Variants in SLC22A15 observed in about 807,000 individuals in gnomAD.
SLC22A15 encodes flipt 1.
A neutral mutation model predicts 62.7 loss-of-function variants in SLC22A15; 45 were observed. That is an observed-to-expected ratio of 0.72 (90% CI 0.56 to 0.92). The LOEUF (loss-of-function observed/expected upper bound fraction) is 0.92. Among genes scored for constraint, SLC22A15 ranks in the 40% least tolerant of loss-of-function variants. The pLI, the probability that SLC22A15 is intolerant of heterozygous loss-of-function variation, is 0.00. For missense variants in SLC22A15, 622 were observed against 665.6 expected (o/e 0.93, Z 0.72); for synonymous variants, 264 against 267.0 (o/e 0.99, Z 0.11).
chr1:116,063,837 C>T (rs2101574531), intron 9 of SLC22A15, among the ~76,000 whole-genome samples: 1 of 152,262 alleles, frequency 6.6e-6, no homozygotes, highest in South Asian at 2.1e-4. Context: ...CTCTCTCCCT[C>T]CCTCCCTCTC....
At chr1:116,033,009 C>T (rs1657481655) in intron 6 of SLC22A15, among the ~76,000 whole-genome samples, 1 of 152,170 alleles carries the variant, frequency 6.6e-6, no homozygotes, top group Admixed American at 6.5e-5. Flanking sequence ...GAAACTGTCC[C>T]TGTTCATTTT....
chr1:116,014,367 A>G (rs1656423273), intron 2 of SLC22A15, among the ~76,000 whole-genome samples: 1 of 152,210 alleles, frequency 6.6e-6, no homozygotes, highest in African/African-American at 2.4e-5. Context: ...GTGAATGATT[A>G]TACGAGTGCT....
At chr1:115,980,829 CATATTAA>C (rs1225100423) in intron 1 of SLC22A15, among the ~76,000 whole-genome samples, 1 of 151,908 alleles carries the variant, frequency 6.6e-6, no homozygotes, top group Non-Finnish European at 1.5e-5. Context: ...TTTGCTTTTC[CATATTAA>C]ATATTTTTAA....
chr1:116,024,797 C>A (rs1448757682), intron 4 of SLC22A15, among the ~76,000 whole-genome samples: 1 of 152,092 alleles, frequency 6.6e-6, no homozygotes, highest in African/African-American at 2.4e-5. Flanking sequence ...TATTTAAAGT[C>A]TTGGGTAAGG....
intron 8 of SLC22A15, among the ~76,000 whole-genome samples, chr1:116,057,963 C>T (rs541469389): frequency 7.3e-5 from 11 of 151,666 alleles, no homozygotes; most frequent in South Asian, 4.2e-4. Flanking sequence ...TGCTAAATGA[C>T]GAGTTAATGG....
intron 2 of SLC22A15, among the ~76,000 whole-genome samples, chr1:116,000,217 G>A (rs1008883482): frequency 6.6e-6 from 1 of 151,834 alleles, no homozygotes; most frequent in African/African-American, 2.4e-5. Flanking sequence ...TTCTCTGGTG[G>A]TATATTTTAA....
chr1:115,992,624 C>CTTT (rs11378927), intron 2 of SLC22A15, among the ~76,000 whole-genome samples: 7 of 137,508 alleles, frequency 5.1e-5, no homozygotes, highest in Non-Finnish European at 7.8e-5. Context: ...TTTTTCTTTT[C>CTTT]TTTTTTTTTT....
chr1:116,020,680 A>C (rs760052657), intron 3 of SLC22A15, 41 bp from the exon 4 acceptor site: 2 of 1,497,042 alleles, frequency 1.3e-6, no homozygotes, highest in South Asian at 2.5e-5. Flanking sequence ...ATCAAATGCT[A>C]TTTTGCCTCT....
chr1:116,065,144 C>T (rs1450391686), intron 10 of SLC22A15, among the ~76,000 whole-genome samples: 1 of 152,066 alleles, frequency 6.6e-6, no homozygotes, highest in Non-Finnish European at 1.5e-5. Flanking sequence ...CAAGTCTCTC[C>T]TTGGTTTGAT....
chr1:116,066,404 C>T (rs930277330), intron 10 of SLC22A15, 116 bp from the exon 11 acceptor site: 88 of 849,938 alleles, frequency 1.0e-4, no homozygotes, highest in Non-Finnish European at 1.1e-4. Flanking sequence ...TTGTCTAGTG[C>T]GAGGTCATGA....
chr1:116,038,398 T>C (rs903700020), intron 8 of SLC22A15, among the ~76,000 whole-genome samples: 2 of 152,216 alleles, frequency 1.3e-5, no homozygotes, highest in African/African-American at 2.4e-5. Flanking sequence ...CCCAAGGCCA[T>C]GTGTTCTCCC....
chr1:116,021,976 G>A (rs989848431), intron 4 of SLC22A15, among the ~76,000 whole-genome samples: 1 of 152,152 alleles, frequency 6.6e-6, no homozygotes, highest in Non-Finnish European at 1.5e-5. Flanking sequence ...TTTCTAACTG[G>A]TGTTGTTTTT....
chr1:116,057,521 C>T (rs1353910700), intron 8 of SLC22A15, among the ~76,000 whole-genome samples: 1 of 152,088 alleles, frequency 6.6e-6, no homozygotes, highest in Non-Finnish European at 1.5e-5. Flanking sequence ...GATCTAGAAC[C>T]AGAAATACCA....
intron 4 of SLC22A15, among the ~76,000 whole-genome samples, chr1:116,021,680 C>G (rs1490893045): frequency 1.3e-5 from 2 of 152,174 alleles, no homozygotes; most frequent in African/African-American, 4.8e-5. Flanking sequence ...TACACAGTGC[C>G]AGCCATCTCT....
intron 5 of SLC22A15, among the ~76,000 whole-genome samples, chr1:116,028,548 TAAA>T (rs67564443): frequency 1.1e-5 from 1 of 91,884 alleles, no homozygotes; most frequent in Admixed American, 1.4e-4. Context: ...TTTTTTTTTT[TAAA>T]ATATATAGTC....
chr1:115,992,610 T>TC (rs1467476185), intron 2 of SLC22A15, among the ~76,000 whole-genome samples: 1 of 145,226 alleles, frequency 6.9e-6, no homozygotes, highest in Non-Finnish European at 1.5e-5. Flanking sequence ...CACCCATAGT[T>TC]CTTTTTTTCT....
At chr1:115,989,604 A>C (rs554564357) in intron 1 of SLC22A15, among the ~76,000 whole-genome samples, 1 of 152,202 alleles carries the variant, frequency 6.6e-6, no homozygotes, top group Non-Finnish European at 1.5e-5. Flanking sequence ...AACATGGTGA[A>C]ACCTCGTCTC....
intron 8 of SLC22A15, among the ~76,000 whole-genome samples, chr1:116,042,538 T>A (rs1657815851): frequency 6.6e-6 from 1 of 152,136 alleles, no homozygotes; most frequent in South Asian, 2.1e-4. Flanking sequence ...ATATTAGTCT[T>A]AGAAGGAGGG....
Position 116,035,198 on chromosome 1 carries a change from G to A in SLC22A15, c.956G>A (p.Ser319Asn), listed in dbSNP as rs777804141. ...LILMFIWFVC[S>N]LVYYGLTLSA... Reference sequence around the variant, plus strand: ...ACTCCCAATTGCAGGTTTGTGTGCAGCTTGGTGTATTATGGCCTAACTCTG... The same window carrying A: ...ACTCCCAATTGCAGGTTTGTGTGCAACTTGGTGTATTATGGCCTAACTCTG... Residue 319 changes from serine to asparagine, a missense_variant, in exon 7 of 12, where the codon AGC becomes AAC. Coordinates refer to ENST00000369503, the MANE Select transcript of SLC22A15 (RefSeq NM_018420.3). 2 of 1,611,852 alleles carry A rather than the reference G, an allele frequency of 1.2e-6. No individual in the cohort carries two copies. The highest frequency in any genetic ancestry group is 1.1e-5 in the South Asian group (1 of 90,636).
Sources: gnomAD v4.1 joint callset for allele counts (sites outside exome capture counted in the v4.1 genomes callset) on GRCh38, gnomAD v4.1.1 for gene constraint, MANE v1.5 for transcripts, NCBI Gene and HGNC (gene_info 2026-07-23, HGNC 2026-07-21) for gene names.